The following PLCG2 variants were observed in gnomAD, a reference collection of about 807,000 sequenced individuals.
PLCG2 encodes the protein phospholipase C gamma 2.
PLCG2 carries 69 observed loss-of-function variants against 175.6 expected under a neutral mutation model. That is an observed-to-expected ratio of 0.39 (90% CI 0.32 to 0.48). The LOEUF (loss-of-function observed/expected upper bound fraction) is 0.48, where lower values mean the gene tolerates loss of function less well. Ranked by LOEUF, PLCG2 falls within the 20% of genes least tolerant of loss-of-function variation. PLCG2 has a pLI of 0.91. For missense variants in PLCG2, 1,798 were observed against 1,650.9 expected (o/e 1.09, Z -1.54); for synonymous variants, 827 against 624.0 (o/e 1.33, Z -4.85).
At chr16:81,911,649 C>T (rs1210243375) in intron 18 of PLCG2, among the ~76,000 whole-genome samples, 3 of 151,734 alleles carry the variant, frequency 2.0e-5, no homozygotes, top group Admixed American at 6.6e-5. Flanking sequence ...CTCGCTCTGT[C>T]TCCCAGGCTG....
intron 1 of PLCG2, among the ~76,000 whole-genome samples, chr16:81,750,397 G>C (rs1401325790): frequency 7.0e-6 from 1 of 142,946 alleles, no homozygotes; most frequent in South Asian, 2.2e-4. Flanking sequence ...TCCAGCCTGG[G>C]TGGTGATAGA....
Position 81,834,401 on chromosome 16 carries a change from G to C in PLCG2, c.194-20043G>C, listed in dbSNP as rs73589302. ...CCCAGGAGCCGGCGCGGGTGGTGTT[G>C]GAGAACTCTGGGCCTGCAGCTAGAC... On this transcript the variant is annotated intron_variant, in intron 2 of 32. Transcript: ENST00000564138. Among the ~76,000 whole-genome samples, 1,412 of 152,210 alleles carry C rather than the reference G, an allele frequency of 9.3e-3. 29 individuals carry two copies. Among genetic ancestry groups the C allele is most frequent in the African/African-American group, 0.032 (1,334 of 41,532 alleles).
exon 1 of PLCG2, chr16:81,739,290 C>G (rs1909531607): frequency 6.6e-6 from 1 of 151,980 alleles, no homozygotes; most frequent in Non-Finnish European, 1.5e-5. Flanking sequence ...AAGCCTCTAT[C>G]TGCTTACGTG....
chr16:81,778,045 A>AACAAAC (rs746647458), upstream of PLCG2, among the ~76,000 whole-genome samples: 1,648 of 77,596 alleles, frequency 0.021, 93 homozygotes, highest in African/African-American at 0.069. Context: ...AAAAAAAACA[A>AACAAAC]AAAAAAAAAC....
chr16:81,778,051 A>AAAAAAACAAAACAAACAAACAAAC (rs1597311883), upstream of PLCG2, among the ~76,000 whole-genome samples: 1 of 79,156 alleles, frequency 1.3e-5, no homozygotes, highest in Admixed American at 1.1e-4. Flanking sequence ...AACAAAAAAA[A>AAAAAAACAAAACAAACAAACAAAC]AAACAAAAAA....
chr16:81,892,702 A>G lies in PLCG2; in HGVS notation c.987-1007A>G, dbSNP rs1366015433. On this transcript the variant is annotated intron_variant, in intron 11 of 32. Transcript: ENST00000564138. ...TCAGAGGTACATGTGCAGGTTTGTT[A>G]AACGGGTCAACTTGTGTCATGGAGG... is the stretch of plus-strand genomic sequence containing the variant. Among the ~76,000 whole-genome samples the G allele has an allele frequency of 3.9e-5, 6 of 152,298 alleles. No homozygotes were observed. In the East Asian group the frequency reaches 9.6e-4, roughly 24 times the overall value.
rs372083518 is a variant in PLCG2, at chr16:81,907,784, C to T, written c.1557+10C>T. On this transcript the variant is annotated intron_variant, in intron 16 of 32. Coordinates refer to ENST00000564138, the MANE Select transcript of PLCG2 (RefSeq NM_002661.5). ...GGAGGAAGTGCCCCAGGTAGGGGGA[C>T]ACCCTAGCCACATAGGGAGGAGGTC... 8 of 1,602,268 alleles carry T rather than the reference C, an allele frequency of 5.0e-6. No individual in the cohort carries two copies. The highest frequency in any genetic ancestry group is 1.1e-5 in the South Asian group (1 of 90,740).
rs1267993530 is a variant in PLCG2, at chr16:81,959,671, G to A, written c.*1673G>A. 2 of 186,674 alleles carry A rather than the reference G, an allele frequency of 1.1e-5. No homozygotes were observed. The highest frequency in any genetic ancestry group is 2.3e-5 in the Non-Finnish European group (2 of 88,440). 11.6% of individuals were successfully genotyped at this position (186,674 alleles called of 1,614,324 possible). On this transcript the variant is annotated 3_prime_UTR_variant, in exon 33 of 33. Transcript: ENST00000564138. ...AGAAAGAACATTCCTCTTAGTGGCA[G>A]ATGTTCAAAGCAACTTTCAAGAAAG...
At chr16:81,922,191 T>G (rs1318481732) in intron 21 of PLCG2, among the ~76,000 whole-genome samples, 2 of 152,198 alleles carry the variant, frequency 1.3e-5, no homozygotes, top group Non-Finnish European at 2.9e-5. Flanking sequence ...CAGCTGCAGA[T>G]CCCTGTGGCA....
In PLCG2 at chr16:81,836,767, G is replaced by A. The variant is rs928547512; in HGVS notation, c.194-17677G>A. On this transcript the variant is annotated intron_variant, in intron 2 of 32. Transcript: ENST00000564138. ...AAACGAGTGCAAACTTTGGAGCCTG[G>A]CCATTCAGGTTCAAGTTCTGGCTCA... Among the ~76,000 whole-genome samples, 4 of 152,146 alleles carry A rather than the reference G, an allele frequency of 2.6e-5. No individual in the cohort carries two copies. The East Asian group carries it at 7.7e-4, about 29-fold the overall frequency.
At chr16:81,895,404 A>C (rs1362291042) in intron 12 of PLCG2, among the ~76,000 whole-genome samples, 1 of 152,090 alleles carries the variant, frequency 6.6e-6, no homozygotes, top group Non-Finnish European at 1.5e-5. Context: ...ACTAAAATAC[A>C]AAAAAATTAG....
rs770045861 is a variant in PLCG2 at position 81,921,170 on chromosome 16, C to T, written c.2236-28C>T. 1.4e-5 allele frequency: 19 copies of T among 1,372,676 alleles called. No homozygotes were observed. In the East Asian group the frequency reaches 4.1e-4, roughly 30 times the overall value. The allele number at this position is 1,372,676 out of a possible 1,614,324, so 85.0% of individuals were successfully genotyped here. ...GGCTATTCCAGGAGCATGGATTATT[C>T]CATTTCTTTCTTTCTTTTTTTTTCC... On this transcript the variant is annotated intron_variant, in intron 20 of 32. Coordinates refer to ENST00000564138, the MANE Select transcript of PLCG2 (RefSeq NM_002661.5).
intron 2 of PLCG2, among the ~76,000 whole-genome samples, chr16:81,771,227 C>T (rs1194090053): frequency 6.6e-6 from 1 of 152,164 alleles, no homozygotes; most frequent in African/African-American, 2.4e-5. Flanking sequence ...ATTCTCTATT[C>T]TGACTTCTTT....
At chr16:81,783,650 A>G (rs906139379) in intron 1 of PLCG2, among the ~76,000 whole-genome samples, 29 of 152,176 alleles carry the variant, frequency 1.9e-4, no homozygotes, top group Non-Finnish European at 2.1e-4. Flanking sequence ...CCATTGAGAT[A>G]AATGAGACGA....
intron 2 of PLCG2, among the ~76,000 whole-genome samples, chr16:81,810,786 A>T (rs149758836): frequency 2.0e-5 from 3 of 152,266 alleles, no homozygotes; most frequent in African/African-American, 7.2e-5. Context: ...CACTGTATTG[A>T]GTTCTGATAG....
intron 2 of PLCG2, among the ~76,000 whole-genome samples, chr16:81,824,925 C>G (rs1904979004): frequency 6.6e-6 from 1 of 152,136 alleles, no homozygotes. Context: ...TTACAAGGAT[C>G]TTTAAAAGAG....
chr16:81,900,947 C>A (rs1023414266), intron 14 of PLCG2, among the ~76,000 whole-genome samples, 167 bp downstream of exon 14: 4 of 152,224 alleles, frequency 2.6e-5, no homozygotes, highest in Non-Finnish European at 5.9e-5. Context: ...TAGGCAAAGT[C>A]ATTAACCTTT....
intron 9 of PLCG2, among the ~76,000 whole-genome samples, chr16:81,888,560 C>T (rs1467454104): frequency 6.6e-6 from 1 of 152,292 alleles, no homozygotes; most frequent in Admixed American, 6.5e-5. Context: ...TTATACAATG[C>T]TTCATACAGT....
chr16:81,883,955 G>A (rs1437085652), intron 9 of PLCG2, among the ~76,000 whole-genome samples: 1 of 152,210 alleles, frequency 6.6e-6, no homozygotes, highest in African/African-American at 2.4e-5. Context: ...ACATGGGTGC[G>A]TGTCACAGCG....
Sources: allele counts gnomAD v4.1 joint callset (sites outside exome capture counted in the v4.1 genomes callset), GRCh38; gene constraint gnomAD v4.1.1; transcripts MANE v1.5; gene names NCBI Gene and HGNC (gene_info 2026-07-23, HGNC 2026-07-21).